Variants in VWA8 observed in about 807,000 individuals in gnomAD.
VWA8 encodes the protein von Willebrand factor A domain-containing protein 8.
In VWA8, 221 loss-of-function variants were observed where a neutral mutation model predicts 241.5. The observed-to-expected ratio is 0.91, with a 90% CI of 0.82 to 1.02. The LOEUF (loss-of-function observed/expected upper bound fraction) is 1.02, where lower values mean the gene tolerates loss of function less well. Among genes scored for constraint, VWA8 ranks in the 50% least tolerant of loss-of-function variants. VWA8 has a pLI of 0.00. For synonymous variants in VWA8, 852 were observed against 827.1 expected, an observed-to-expected ratio of 1.03 and a Z score of -0.52; for missense variants, 2,322 against 2,328.7, an observed-to-expected ratio of 1.00 and a Z score of 0.06.
At chr13:41,577,698 A>G (rs889031133) in intron 42 of VWA8, among the ~76,000 whole-genome samples, 3 of 152,364 alleles carry the variant, frequency 2.0e-5, no homozygotes, top group Middle Eastern at 3.4e-3. Flanking sequence ...TGGTGAAGTA[A>G]TCTGCTAAAC....
At chr13:41,582,995 G>C (rs2044393369) in intron 42 of VWA8, among the ~76,000 whole-genome samples, 3 of 152,234 alleles carry the variant, frequency 2.0e-5, no homozygotes, top group African/African-American at 7.2e-5. Context: ...AACCCATGGA[G>C]AGGAAGGCCA....
At chr13:41,806,895 A>C (rs973442720) in intron 17 of VWA8, among the ~76,000 whole-genome samples, 2 of 152,044 alleles carry the variant, frequency 1.3e-5, no homozygotes, top group Non-Finnish European at 2.9e-5. Context: ...AAAAAAGGAA[A>C]AGATTAATGA....
At chr13:41,906,039 GA>G (rs1167966174) in intron 4 of VWA8, among the ~76,000 whole-genome samples, 1 of 151,922 alleles carries the variant, frequency 6.6e-6, no homozygotes, top group Non-Finnish European at 1.5e-5. Flanking sequence ...TTGATTATGG[GA>G]AATCTGAACT....
intron 43 of VWA8, among the ~76,000 whole-genome samples, chr13:41,571,602 C>G (rs1378098628): frequency 6.6e-6 from 1 of 152,140 alleles, no homozygotes; most frequent in Non-Finnish European, 1.5e-5. Flanking sequence ...TACCTGCCTC[C>G]GCCTCCCGAG....
At chr13:41,719,213 G>T in intron 26 of VWA8, 1 of 465,296 alleles carries the variant, frequency 2.1e-6, no homozygotes, top group Non-Finnish European at 2.9e-6. Context: ...TATAGTAACA[G>T]AAATAAGAAC....
intron 3 of VWA8, among the ~76,000 whole-genome samples, chr13:41,908,834 T>C (rs563647763): frequency 6.6e-6 from 1 of 152,214 alleles, no homozygotes; most frequent in Non-Finnish European, 1.5e-5. Context: ...CAATAAGTTT[T>C]TACTAAACAT....
intron 16 of VWA8, among the ~76,000 whole-genome samples, chr13:41,811,934 G>A (rs186503311): frequency 6.6e-6 from 1 of 152,112 alleles, no homozygotes; most frequent in Non-Finnish European, 1.5e-5. Flanking sequence ...TCAGGACATG[G>A]TCAGTACTCA....
intron 37 of VWA8, among the ~76,000 whole-genome samples, chr13:41,632,358 G>A (rs1366082891): frequency 6.6e-6 from 1 of 152,104 alleles, no homozygotes; most frequent in African/African-American, 2.4e-5. Context: ...AGGGTACCGG[G>A]AAAAGGGAGG....
Position 41,568,253 on chromosome 13 carries a change from C to T in VWA8, c.5662G>A (p.Asp1888Asn), listed in dbSNP as rs2139627284. ...ATCTGTTGTAAAATCTGAGGGATATCCTTGGTATCCATGGCAACGAAAGAC... is the reference window on the plus strand; with the variant it reads ...ATCTGTTGTAAAATCTGAGGGATATTCTTGGTATCCATGGCAACGAAAGAC... ...GRSFVAMDTK[D>N]IPQILQQIFT... The change falls in exon 45 of 45, where the codon GAT (aspartate) becomes AAT (asparagine). Residue 1888 changes from aspartate to asparagine, a missense_variant. Asp to Asn is a conservative substitution (Grantham distance 23, BLOSUM62 1). Coordinates refer to ENST00000379310, the MANE Select transcript of VWA8 (RefSeq NM_015058.2). 1.2e-6 allele frequency: 2 copies of T among 1,614,030 alleles called. No homozygotes were observed. The highest frequency in any genetic ancestry group is 3.3e-5 in the Admixed American group (2 of 60,014).
intron 39 of VWA8, among the ~76,000 whole-genome samples, chr13:41,610,506 G>A (rs2139660013): frequency 6.6e-6 from 1 of 152,242 alleles, no homozygotes. Context: ...ACCCTCGAGG[G>A]TCTGAGCTGG....
At chr13:41,785,564 A>C (rs1158655840) in intron 18 of VWA8, among the ~76,000 whole-genome samples, 3 of 152,200 alleles carry the variant, frequency 2.0e-5, no homozygotes, top group South Asian at 2.1e-4. Flanking sequence ...TTTTGCTTCT[A>C]TGGAGTGCTG....
chr13:41,924,271 A>C (rs1455181856), intron 2 of VWA8, among the ~76,000 whole-genome samples: 1 of 152,098 alleles, frequency 6.6e-6, no homozygotes, highest in Non-Finnish European at 1.5e-5. Context: ...AATAAAAAAT[A>C]CAAGACAGAG....
intron 2 of VWA8, among the ~76,000 whole-genome samples, chr13:41,946,005 T>A (rs1877833075): frequency 1.3e-5 from 2 of 151,776 alleles, no homozygotes; most frequent in Non-Finnish European, 2.9e-5. Context: ...GAAGAGAGAA[T>A]CTTGATAGCA....
intron 40 of VWA8, among the ~76,000 whole-genome samples, chr13:41,602,376 C>T (rs75265338): frequency 1.6e-4 from 25 of 152,220 alleles, no homozygotes; most frequent in African/African-American, 5.8e-4. Flanking sequence ...GCACCTGCCT[C>T]GCTAGCCATA....
chr13:41,610,417 A>G lies in VWA8; in HGVS notation c.4877+1159T>C, dbSNP rs139631851. On this transcript the variant is annotated intron_variant, in intron 39 of 44. Transcript: ENST00000379310. Reference sequence around the variant, plus strand: ...CACAAAGAGGACAGATAAACTGTCAACAGTCACCAGGGAAGCCAGCAGAAG... The same window carrying G: ...CACAAAGAGGACAGATAAACTGTCAGCAGTCACCAGGGAAGCCAGCAGAAG... Among the ~76,000 whole-genome samples the G allele has an allele frequency of 5.2e-4, 79 of 152,330 alleles. 1 individual carries two copies. Among genetic ancestry groups the G allele is most frequent in the African/African-American group, 1.9e-3 (78 of 41,576 alleles).
intron 32 of VWA8, among the ~76,000 whole-genome samples, chr13:41,691,101 G>T (rs935519596): frequency 6.6e-6 from 1 of 152,046 alleles, no homozygotes; most frequent in Non-Finnish European, 1.5e-5. Flanking sequence ...AAAAAGTCAT[G>T]ATTTTTTAAC....
chr13:41,673,599 T>C (rs1698345601), intron 36 of VWA8, among the ~76,000 whole-genome samples: 1 of 152,242 alleles, frequency 6.6e-6, no homozygotes, highest in African/African-American at 2.4e-5. Context: ...AAAAGGAATG[T>C]AAAATATTTC....
chr13:41,926,219 C>T (rs1876826784), intron 2 of VWA8: 1 of 695,746 alleles, frequency 1.4e-6, no homozygotes. Flanking sequence ...TGTCTCCCCA[C>T]ATGCATATGT....
chr13:41,574,174 T>TA (rs59813167), intron 43 of VWA8, among the ~76,000 whole-genome samples: 28,930 of 137,114 alleles, frequency 0.21, 3,292 homozygotes, highest in African/African-American at 0.33. Flanking sequence ...AAGTTTTCTG[T>TA]AAAAAAAAAA....
Sources: gnomAD v4.1 joint callset for allele counts (sites outside exome capture counted in the v4.1 genomes callset) on GRCh38, gnomAD v4.1.1 for gene constraint, MANE v1.5 for transcripts, NCBI Gene and HGNC (gene_info 2026-07-23, HGNC 2026-07-21) for gene names.